The following MED27 variants were observed in gnomAD, a reference collection of about 807,000 sequenced individuals.
MED27 encodes the protein mediator of RNA polymerase II transcription subunit 27.
A neutral mutation model predicts 38.2 loss-of-function variants in MED27; 30 were observed. The observed-to-expected ratio is 0.79, with a 90% CI of 0.59 to 1.07. MED27 has a LOEUF of 1.07. Among genes scored for constraint, MED27 ranks in the 50% least tolerant of loss-of-function variants. The pLI is 0.00. For synonymous variants in MED27, 122 were observed against 153.5 expected, an observed-to-expected ratio of 0.79 and a Z score of 1.52; for missense variants, 289 against 397.5, an observed-to-expected ratio of 0.73 and a Z score of 2.32.
At chr9:131,987,796 A>T (rs1423961462) in intron 3 of MED27, among the ~76,000 whole-genome samples, 1 of 151,806 alleles carries the variant, frequency 6.6e-6, no homozygotes, top group East Asian at 1.9e-4. Flanking sequence ...TGGAATGGGT[A>T]CAAGAAAACC....
intron 2 of MED27, among the ~76,000 whole-genome samples, chr9:132,033,708 T>C (rs1833012082): frequency 6.6e-6 from 1 of 152,228 alleles, no homozygotes. Flanking sequence ...TTTGGGCTTT[T>C]TGTTTTTGCT....
chr9:132,033,396 C>T (rs1332181345), intron 2 of MED27, among the ~76,000 whole-genome samples: 4 of 152,254 alleles, frequency 2.6e-5, no homozygotes, highest in East Asian at 3.9e-4. Flanking sequence ...CATTAAAATG[C>T]CAACAAAGGC....
chr9:131,914,028 C>G (rs1053954797), intron 4 of MED27, among the ~76,000 whole-genome samples: 1 of 152,150 alleles, frequency 6.6e-6, no homozygotes, highest in Non-Finnish European at 1.5e-5. Flanking sequence ...TGATAAGTAA[C>G]AAGAAATAAT....
chr9:131,893,335 A>G (rs1223739841), intron 5 of MED27, among the ~76,000 whole-genome samples: 1 of 152,180 alleles, frequency 6.6e-6, no homozygotes, highest in Non-Finnish European at 1.5e-5. Context: ...GAGACTGTGC[A>G]GTCAAAAGGA....
At chr9:132,000,736 C>G (rs1178225617) in intron 3 of MED27, among the ~76,000 whole-genome samples, 1 of 151,134 alleles carries the variant, frequency 6.6e-6, no homozygotes. Flanking sequence ...GTAGAAAAGT[C>G]AGATTTTAAA....
At chr9:131,903,783 AGT>A (rs1829997935) in intron 4 of MED27, among the ~76,000 whole-genome samples, 1 of 152,176 alleles carries the variant, frequency 6.6e-6, no homozygotes, top group Admixed American at 6.5e-5. Context: ...GTTGGAGTGC[AGT>A]AGCATGATCT....
At chr9:132,001,685 A>G (rs945616919) in intron 3 of MED27, among the ~76,000 whole-genome samples, 2 of 152,200 alleles carry the variant, frequency 1.3e-5, no homozygotes, top group African/African-American at 4.8e-5. Context: ...GTTAGGATCC[A>G]CCTTCTTCTA....
chr9:131,961,025 C>A (rs1254621150), intron 3 of MED27, among the ~76,000 whole-genome samples: 1 of 152,206 alleles, frequency 6.6e-6, no homozygotes, highest in Non-Finnish European at 1.5e-5. Flanking sequence ...TGGACACCTG[C>A]CTCATTATGA....
At chr9:132,006,816 A>G (rs1359183616) in intron 3 of MED27, among the ~76,000 whole-genome samples, 1 of 152,180 alleles carries the variant, frequency 6.6e-6, no homozygotes, top group Non-Finnish European at 1.5e-5. Flanking sequence ...CCCTTCATGC[A>G]TCACTATTGC....
intron 3 of MED27, among the ~76,000 whole-genome samples, chr9:131,978,827 C>T (rs1348335720): frequency 6.6e-6 from 1 of 152,210 alleles, no homozygotes; most frequent in Non-Finnish European, 1.5e-5. Context: ...GAGAAACCAT[C>T]GCAAGAGGGC....
intron 3 of MED27, among the ~76,000 whole-genome samples, chr9:131,950,586 A>G (rs1158753840): frequency 1.3e-5 from 2 of 152,212 alleles, no homozygotes; most frequent in Admixed American, 6.5e-5. Context: ...GCCAAAGAGA[A>G]TGATCACAAT....
At chr9:131,972,100 C>A (rs973226658) in intron 3 of MED27, among the ~76,000 whole-genome samples, 1 of 152,174 alleles carries the variant, frequency 6.6e-6, no homozygotes, top group African/African-American at 2.4e-5. Flanking sequence ...AGCTTCTAAT[C>A]GGATTTGTTG....
chr9:131,989,614 C>T (rs1831927744), intron 3 of MED27, among the ~76,000 whole-genome samples: 1 of 152,176 alleles, frequency 6.6e-6, no homozygotes. Flanking sequence ...TAGATTCACA[C>T]TGTTGTGAAA....
intron 3 of MED27, among the ~76,000 whole-genome samples, chr9:132,011,495 T>G (rs1406390363): frequency 1.3e-5 from 2 of 152,138 alleles, no homozygotes; most frequent in Non-Finnish European, 2.9e-5. Flanking sequence ...TGGCACATAG[T>G]AGGTGCTCAG....
intron 4 of MED27, among the ~76,000 whole-genome samples, chr9:131,914,255 T>G (rs907124336): frequency 6.6e-6 from 1 of 152,166 alleles, no homozygotes; most frequent in Non-Finnish European, 1.5e-5. Context: ...CCATAGAGAC[T>G]TGGTAGTGGT....
chr9:132,009,798 T>TC (rs1832441601), intron 3 of MED27, among the ~76,000 whole-genome samples: 1 of 152,262 alleles, frequency 6.6e-6, no homozygotes, highest in Non-Finnish European at 1.5e-5. Flanking sequence ...AATAGATAAT[T>TC]AACATAGCAA....
intron 4 of MED27, 113 bp downstream of exon 4, chr9:131,939,268 C>T (rs1428665266): frequency 1.8e-6 from 1 of 559,640 alleles, no homozygotes; most frequent in African/African-American, 1.9e-5. Context: ...TATTCACTAT[C>T]AAATTGGAAT....
In MED27 at chr9:131,879,786, G is replaced by A. The variant is rs150516370; in HGVS notation, c.723+4272C>T. On this transcript the variant is annotated intron_variant, in intron 6 of 7. Transcript: ENST00000292035. ...GCAGGTGGAAGATGTCTGCCGCAGTGCTCCCAAACAGCGTCTTTCTGGGAA... is the reference window on the plus strand; with the variant it reads ...GCAGGTGGAAGATGTCTGCCGCAGTACTCCCAAACAGCGTCTTTCTGGGAA... 2.6e-5 allele frequency among the ~76,000 whole-genome samples: 4 copies of A among 152,218 alleles called. 1 individual carries two copies. Among genetic ancestry groups the A allele is most frequent in the East Asian group, 3.8e-4 (2 of 5,200 alleles).
intron 3 of MED27, among the ~76,000 whole-genome samples, chr9:131,947,404 T>A (rs1830906221): frequency 6.6e-6 from 1 of 152,242 alleles, no homozygotes; most frequent in South Asian, 2.1e-4. Context: ...AGAAACACAC[T>A]GTTATTGACA....
Sources: allele counts gnomAD v4.1 joint callset (sites outside exome capture counted in the v4.1 genomes callset), GRCh38; gene constraint gnomAD v4.1.1; transcripts MANE v1.5; gene names NCBI Gene and HGNC (gene_info 2026-07-23, HGNC 2026-07-21).